The following USP37 variants were observed in gnomAD, a reference collection of about 807,000 sequenced individuals.
USP37 encodes the protein ubiquitin carboxyl-terminal hydrolase 37.
Under a neutral mutation model 124.0 loss-of-function variants are expected in USP37, and 27 were observed. That is an observed-to-expected ratio of 0.22 (90% CI 0.16 to 0.30). The LOEUF (loss-of-function observed/expected upper bound fraction) is 0.30, where lower values mean the gene tolerates loss of function less well. Ranked by LOEUF, USP37 falls within the 10% of genes least tolerant of loss-of-function variation. The pLI is 1.00. For missense variants in USP37, 889 were observed against 1,140.4 expected (o/e 0.78, Z 3.17); for synonymous variants, 365 against 388.0 (o/e 0.94, Z 0.70).
chr2:218,560,593 T>C (rs1272803244), intron 3 of USP37, among the ~76,000 whole-genome samples: 1 of 152,176 alleles, frequency 6.6e-6, no homozygotes. Context: ...CAACTATCTA[T>C]AGGGGCTAGC....
intron 24 of USP37, among the ~76,000 whole-genome samples, chr2:218,456,684 C>T (rs370990134): frequency 6.6e-6 from 1 of 151,728 alleles, no homozygotes; most frequent in African/African-American, 2.4e-5. Flanking sequence ...ACTTATACTT[C>T]GTGGGCTGGG....
intron 21 of USP37, 142 bp from the exon 22 acceptor site, chr2:218,463,508 AG>A: frequency 2.1e-6 from 1 of 484,952 alleles, no homozygotes; most frequent in Non-Finnish European, 3.7e-6. Flanking sequence ...TTACCTTTTG[AG>A]GAATGTGGGG....
chr2:218,457,297 T>C, intron 23 of USP37, 136 bp from the exon 24 acceptor site: 1 of 807,732 alleles, frequency 1.2e-6, no homozygotes, highest in Admixed American at 2.9e-5. Flanking sequence ...AAAAATCTGT[T>C]CATACCCTTT....
chr2:218,552,367 C>T (rs1692714535), intron 5 of USP37, among the ~76,000 whole-genome samples: 1 of 152,080 alleles, frequency 6.6e-6, no homozygotes, highest in African/African-American at 2.4e-5. Context: ...GATGACAGAG[C>T]TAAAGACTAA....
intron 10 of USP37, among the ~76,000 whole-genome samples, chr2:218,517,183 A>G (rs1690338829): frequency 6.6e-6 from 1 of 152,238 alleles, no homozygotes; most frequent in Non-Finnish European, 1.5e-5. Flanking sequence ...GAAAGAAACT[A>G]GGAACAATTT....
At chr2:218,558,848 T>C (rs1037039299) in intron 3 of USP37, 171 bp from the exon 4 acceptor site, 1 of 449,582 alleles carries the variant, frequency 2.2e-6, no homozygotes, top group Non-Finnish European at 3.9e-6. Flanking sequence ...GCCTAAATTC[T>C]ACATTTTGTA....
At chr2:218,474,037 A>G (rs1690835730) in intron 20 of USP37, among the ~76,000 whole-genome samples, 1 of 152,228 alleles carries the variant, frequency 6.6e-6, no homozygotes, top group Non-Finnish European at 1.5e-5. Flanking sequence ...ACATAGAAAA[A>G]GCAATGCATT....
chr2:218,523,363 C>A (rs1690776352), intron 10 of USP37, among the ~76,000 whole-genome samples: 1 of 152,188 alleles, frequency 6.6e-6, no homozygotes, highest in Admixed American at 6.5e-5. Flanking sequence ...ATGAACATTT[C>A]CTTTGAGCAT....
chr2:218,460,809 C>T (rs1490023098), intron 22 of USP37, among the ~76,000 whole-genome samples: 1 of 151,942 alleles, frequency 6.6e-6, no homozygotes, highest in African/African-American at 2.4e-5. Flanking sequence ...GGTGTGGTGG[C>T]GCACACCAGT....
intron 6 of USP37, among the ~76,000 whole-genome samples, chr2:218,549,342 G>T (rs1237764227): frequency 6.6e-6 from 1 of 151,988 alleles, no homozygotes; most frequent in African/African-American, 2.4e-5. Flanking sequence ...CAGCCAAAGA[G>T]AATTCATAAA....
At chr2:218,518,642 T>C (rs903740395) in intron 10 of USP37, among the ~76,000 whole-genome samples, 1 of 152,226 alleles carries the variant, frequency 6.6e-6, no homozygotes, top group Non-Finnish European at 1.5e-5. Flanking sequence ...GTTGCTCTTA[T>C]ACAAAAAGGA....
chr2:218,527,239 A>G (rs567091128), intron 10 of USP37, among the ~76,000 whole-genome samples: 2 of 152,158 alleles, frequency 1.3e-5, no homozygotes, highest in African/African-American at 4.8e-5. Context: ...AGCAGAGGCT[A>G]ATCATTGTTG....
intron 8 of USP37, among the ~76,000 whole-genome samples, chr2:218,544,440 G>GAGAA (rs1299211667): frequency 7.3e-6 from 1 of 137,634 alleles, no homozygotes; most frequent in African/African-American, 2.9e-5. Context: ...TAGAGAGAGA[G>GAGAA]AGAGAGAGAG....
chr2:218,539,363 A>G (rs1396738517), intron 8 of USP37, among the ~76,000 whole-genome samples: 2 of 152,106 alleles, frequency 1.3e-5, no homozygotes, highest in Non-Finnish European at 2.9e-5. Context: ...TTCCTTCTTC[A>G]CAATTTCATG....
In USP37 at chr2:218,459,879, A is replaced by G. The variant is rs369873882; in HGVS notation, c.2554T>C (p.Leu852=). ...QEFNNSFVDA[L]GSDEDSGNED... is the part of the protein sequence containing the mutation. ...TTTCCAGAGTCCTCATCAGAACCCA[A>G]TGCATCCACAAAGGAGTTGTTAAAC... The change falls in exon 23 of 26, where the codon TTG becomes CTG. Residue 852 remains leucine, a synonymous_variant. Transcript: ENST00000258399. 26 of 1,613,544 alleles carry G rather than the reference A, an allele frequency of 1.6e-5. No homozygotes were observed. Among genetic ancestry groups the G allele is most frequent in the Non-Finnish European group, 2.1e-5 (25 of 1,179,748 alleles).
rs570386601 is a variant in USP37, at chr2:218,548,022, T to C, written c.430-931A>G. 9.8e-5 allele frequency among the ~76,000 whole-genome samples: 15 copies of C among 152,318 alleles called. No individual in the cohort carries two copies. The East Asian group carries it at 2.7e-3, about 27-fold the overall frequency. ...GTTTTACAGAATTACAATCCTAGGA[T>C]AGGAAATTTTAAAACTTCTAAGAGC... is the stretch of plus-strand genomic sequence containing the variant. On this transcript the variant is annotated intron_variant, in intron 6 of 25. Coordinates refer to ENST00000258399, the MANE Select transcript of USP37 (RefSeq NM_020935.3).
intron 20 of USP37, among the ~76,000 whole-genome samples, chr2:218,470,987 G>T (rs1193746707): frequency 6.6e-6 from 1 of 152,172 alleles, no homozygotes; most frequent in Non-Finnish European, 1.5e-5. Context: ...GAAAAAGAGA[G>T]AAATAAGTAC....
intron 8 of USP37, 21 bp from the exon 9 acceptor site, chr2:218,534,727 T>A (rs573781021): frequency 1.3e-6 from 2 of 1,501,162 alleles, no homozygotes; most frequent in East Asian, 2.3e-5. Flanking sequence ...TAATTTTACA[T>A]CAATATAGTA....
At chr2:218,505,470 C>A (rs1376270507) in intron 11 of USP37, among the ~76,000 whole-genome samples, 1 of 152,170 alleles carries the variant, frequency 6.6e-6, no homozygotes, top group Non-Finnish European at 1.5e-5. Context: ...TCTGTAGAGT[C>A]CTCAGGAAGA....
Sources: allele counts gnomAD v4.1 joint callset (sites outside exome capture counted in the v4.1 genomes callset), GRCh38; gene constraint gnomAD v4.1.1; transcripts MANE v1.5; gene names NCBI Gene and HGNC (gene_info 2026-07-23, HGNC 2026-07-21).